The following PSMB7 variants were observed in gnomAD, a reference collection of about 807,000 sequenced individuals.
The protein encoded by PSMB7 is proteasome 20S subunit beta 7, also known as proteasome subunit beta type-7.
PSMB7 carries 5 observed loss-of-function variants against 28.1 expected under a neutral mutation model. That is an observed-to-expected ratio of 0.18 (90% CI 0.09 to 0.37). PSMB7 has a LOEUF of 0.37. Ranked by LOEUF, PSMB7 falls within the 10% of genes least tolerant of loss-of-function variation. The probability of loss-of-function intolerance (pLI) is 1.00; values close to 1 mark genes in which losing one functional copy is unlikely to be tolerated. For synonymous variants in PSMB7, 122 were observed against 123.7 expected, an observed-to-expected ratio of 0.99 and a Z score of 0.09; for missense variants, 275 against 346.2, an observed-to-expected ratio of 0.79 and a Z score of 1.63.
Position 124,413,932 on chromosome 9 carries a change from A to G in PSMB7, c.230T>C (p.Ile77Thr), listed in dbSNP as rs1259381072. 1.2e-6 allele frequency: 2 copies of G among 1,610,844 alleles called. No individual in the cohort carries two copies. The highest frequency in any genetic ancestry group is 2.7e-5 in the African/African-American group (2 of 74,854). Reference protein sequence around the residue: ...MVVADKNCSKIHFISPNIYCC... With the variant: ...MVVADKNCSKTHFISPNIYCC... ...CTAAATATTAGGAGATATGAAGTGT[A>G]TTTTTGAACAGTTCTTGTCAGCAAC... The change falls in exon 3 of 8, where the codon ATA (isoleucine) becomes ACA (threonine). Residue 77 changes from isoleucine (I) to threonine (T), a missense_variant. Physicochemically the swap from Ile to Thr is moderately conservative, Grantham distance 89. This residue lies in a region of PSMB7 where 213 missense variants were observed against 302.4 expected (regional missense o/e 0.70). Transcript: ENST00000259457.
At chr9:124,372,186 T>C (rs1029020618) in intron 6 of PSMB7, among the ~76,000 whole-genome samples, 2 of 152,186 alleles carry the variant, frequency 1.3e-5, no homozygotes, top group African/African-American at 4.8e-5. Context: ...CCCACCACCA[T>C]ACACAACAGC....
chr9:124,366,488 G>A (rs559877058), intron 6 of PSMB7, among the ~76,000 whole-genome samples: 3 of 152,340 alleles, frequency 2.0e-5, no homozygotes, highest in South Asian at 4.1e-4. Flanking sequence ...TTTAAGTTAA[G>A]CGTTATAAGG....
At chr9:124,363,057 T>C (rs1830477590) in intron 6 of PSMB7, among the ~76,000 whole-genome samples, 1 of 152,210 alleles carries the variant, frequency 6.6e-6, no homozygotes, top group South Asian at 2.1e-4. Flanking sequence ...CCCTACACCT[T>C]CTCCATCTTT....
intron 6 of PSMB7, among the ~76,000 whole-genome samples, chr9:124,367,145 G>A (rs961429251): frequency 6.6e-6 from 1 of 152,184 alleles, no homozygotes; most frequent in African/African-American, 2.4e-5. Context: ...GCAGGGCCAG[G>A]GAGGAGGATC....
chr9:124,412,715 TG>T (rs1047446491), intron 3 of PSMB7, among the ~76,000 whole-genome samples: 13 of 152,228 alleles, frequency 8.5e-5, no homozygotes, highest in African/African-American at 2.9e-4. Flanking sequence ...ATGGAACACA[TG>T]AAATTATTGG....
chr9:124,380,856 ACC>A (rs1830657064), intron 6 of PSMB7, among the ~76,000 whole-genome samples: 1 of 152,222 alleles, frequency 6.6e-6, no homozygotes, highest in Admixed American at 6.5e-5. Flanking sequence ...TATGGCAGAA[ACC>A]TTAAATGTAG....
intron 5 of PSMB7, among the ~76,000 whole-genome samples, chr9:124,398,995 T>C (rs1304331089): frequency 1.5e-5 from 2 of 133,234 alleles, no homozygotes; most frequent in East Asian, 2.2e-4. Context: ...TTCAAAATAA[T>C]ACTAAGCTTT....
rs752793493 is a variant in PSMB7 at position 124,413,893 on chromosome 9, C to T, written c.254+15G>A. On this transcript the variant is annotated intron_variant, in intron 3 of 7. Transcript: ENST00000259457. ...TTTGAAAATATAAGAGTTATTCAAA[C>T]GAATCAATACTTACTAAATATTAGG... 5.8e-6 allele frequency: 9 copies of T among 1,543,296 alleles called. No homozygotes were observed. The highest frequency in any genetic ancestry group is 1.1e-5 in the South Asian group (1 of 87,866).
intron 4 of PSMB7, among the ~76,000 whole-genome samples, chr9:124,408,068 C>T (rs1030960679): frequency 5.3e-5 from 8 of 152,128 alleles, no homozygotes; most frequent in Admixed American, 3.3e-4. Context: ...GAGGCTGAGG[C>T]GAGCAGATGA....
At chr9:124,354,463 C>T (rs971962227) in intron 7 of PSMB7, among the ~76,000 whole-genome samples, 2 of 152,250 alleles carry the variant, frequency 1.3e-5, no homozygotes, top group African/African-American at 2.4e-5. Flanking sequence ...CTCTGTCAAA[C>T]TTGCTGTCCT....
chr9:124,354,171 TA>T (rs5900605), intron 7 of PSMB7, among the ~76,000 whole-genome samples: 91,303 of 151,976 alleles, frequency 0.6, 27,662 homozygotes, highest in East Asian at 0.77. Flanking sequence ...ATAAACAGTG[TA>T]AAAAAAATGT....
At position 124,405,434 on chromosome 9, in the gene PSMB7, TG is replaced by T; in HGVS notation, c.396-3del. On this transcript the variant is annotated splice_region_variant and splice_polypyrimidine_tract_variant and intron_variant, in intron 4 of 7. Transcript: ENST00000259457. ...GCTGCACCAATGTAACCTTGATACCTGGTGATCAGAGTATGCATAAGAAAAA... is the reference window on the plus strand; with the variant it reads ...GCTGCACCAATGTAACCTTGATACCTGTGATCAGAGTATGCATAAGAAAAA... 6.3e-7 allele frequency: 1 copy of T among 1,590,850 alleles called. No individual in the cohort carries two copies. The highest frequency in any genetic ancestry group is 8.6e-7 in the Non-Finnish European group (1 of 1,159,146).
intron 4 of PSMB7, among the ~76,000 whole-genome samples, 195 bp downstream of exon 4, chr9:124,412,157 A>G (rs933202464): frequency 5.9e-5 from 9 of 152,212 alleles, no homozygotes; most frequent in African/African-American, 4.8e-5. Context: ...TTACTCATGA[A>G]AAAAATCAGG....
chr9:124,366,105 ATT>A (rs58284911), intron 6 of PSMB7, among the ~76,000 whole-genome samples: 1 of 151,342 alleles, frequency 6.6e-6, no homozygotes, highest in African/African-American at 2.5e-5. Context: ...TTAAAAAAAA[ATT>A]TTTTTAATAG....
chr9:124,369,719 G>A (rs1830543148), intron 6 of PSMB7, among the ~76,000 whole-genome samples: 1 of 152,064 alleles, frequency 6.6e-6, no homozygotes. Context: ...CCGTGCCTCT[G>A]GACTTAACAT....
At chr9:124,355,485 T>C (rs1167787770) in intron 7 of PSMB7, among the ~76,000 whole-genome samples, 8 of 152,164 alleles carry the variant, frequency 5.3e-5, no homozygotes, top group Non-Finnish European at 1.2e-4. Flanking sequence ...CTGAATGGTG[T>C]AACCATTCCC....
At chr9:124,364,264 G>A (rs543469903) in intron 6 of PSMB7, among the ~76,000 whole-genome samples, 6 of 152,230 alleles carry the variant, frequency 3.9e-5, no homozygotes, top group Non-Finnish European at 5.9e-5. Flanking sequence ...CAGGAGAGTC[G>A]GGGATGCATG....
intron 6 of PSMB7, among the ~76,000 whole-genome samples, chr9:124,368,189 A>G (rs1353701967): frequency 1.5e-5 from 2 of 130,516 alleles, no homozygotes; most frequent in African/African-American, 5.5e-5. Context: ...ACCCAATTCC[A>G]CACATTTACC....
In PSMB7 at chr9:124,353,572, C is replaced by T. The variant is rs371009239; in HGVS notation, c.*26G>A. On this transcript the variant is annotated 3_prime_UTR_variant, in exon 8 of 8. Transcript: ENST00000259457. ...CTCAATGCTCACCACCTTCCAGAAC[C>T]GCGGCCAGCCACCCACTGATGCCAT... The T allele has an allele frequency of 2.8e-5, 42 of 1,524,910 alleles. No individual in the cohort carries two copies. The highest frequency in any genetic ancestry group is 3.5e-5 in the Non-Finnish European group (39 of 1,099,722). The allele number at this position is 1,524,910 out of a possible 1,614,324, so 94.5% of individuals were successfully genotyped here.
Sources: allele counts gnomAD v4.1 joint callset (sites outside exome capture counted in the v4.1 genomes callset), GRCh38; gene constraint gnomAD v4.1.1; regional missense constraint gnomAD v4.1.1; transcripts MANE v1.5; gene names NCBI Gene and HGNC (gene_info 2026-07-23, HGNC 2026-07-21).